Variants in TMSB10 observed in about 807,000 individuals in gnomAD.
TMSB10 encodes thymosin beta-10.
TMSB10 carries 4 observed loss-of-function variants against 4.5 expected under a neutral mutation model. That is an observed-to-expected ratio of 0.89 (90% CI 0.44 to 2.03). The LOEUF is 2.03. Among genes scored for constraint, TMSB10 ranks in the 30% most tolerant of loss-of-function variants. TMSB10 has a pLI of 0.03. For missense variants in TMSB10, 44 were observed against 53.9 expected (o/e 0.82, Z 0.57); for synonymous variants, 17 against 20.3 (o/e 0.84, Z 0.44).
In TMSB10 at chr2:84,906,549, C is replaced by A; in HGVS notation, c.*126C>A. ...GAACCTGGGCACTCCGCGCCGATGCCACCGGCCTGTGGGTCTCTGAAGGGA... is the reference window on the plus strand; with the variant it reads ...GAACCTGGGCACTCCGCGCCGATGCAACCGGCCTGTGGGTCTCTGAAGGGA... On this transcript the variant is annotated 3_prime_UTR_variant, in exon 3 of 3. Transcript: ENST00000233143. 8.8e-7 allele frequency: 1 copy of A among 1,141,594 alleles called. No individual in the cohort carries two copies. The highest frequency in any genetic ancestry group is 1.2e-6 in the Non-Finnish European group (1 of 836,182). The allele number at this position is 1,141,594 out of a possible 1,614,324, so 70.7% of individuals were successfully genotyped here.
rs878999190 is a variant in TMSB10, at chr2:84,906,120, G to A, written c.100+3G>A. The A allele has an allele frequency of 6.2e-7, 1 of 1,613,808 alleles. No homozygotes were observed. The highest frequency in any genetic ancestry group is 1.7e-5 in the Admixed American group (1 of 59,982). On this transcript the variant is annotated splice_donor_region_variant and intron_variant, in intron 2 of 2. Coordinates refer to ENST00000233143, the MANE Select transcript of TMSB10 (RefSeq NM_021103.4). ...GAACACCCTGCCGACCAAAGAGAGT[G>A]AGTGTGCCTCGGTCTCCCGCGCCCC...
chr2:84,906,021 G>A lies in TMSB10; in HGVS notation c.4G>A (p.Ala2Thr), dbSNP rs758647259. The change falls in exon 2 of 3, where the codon GCA (alanine) becomes ACA (threonine). Residue 2 changes from alanine to threonine, a missense_variant. Transcript: ENST00000233143. Reference sequence around the variant, plus strand: ...CCACTAGGATTGTTTTAAGAAAATGGCAGACAAACCAGACATGGGGGAAAT... The same window carrying A: ...CCACTAGGATTGTTTTAAGAAAATGACAGACAAACCAGACATGGGGGAAAT... M[A>T]DKPDMGEIAS... 2 of 1,613,820 alleles carry A rather than the reference G, an allele frequency of 1.2e-6. No homozygotes were observed. Among genetic ancestry groups the A allele is most frequent in the East Asian group, 2.2e-5 (1 of 44,858 alleles).
In TMSB10 at chr2:84,906,065, C is replaced by T; in HGVS notation, c.48C>T (p.Ala16=). Residue 16 remains alanine (A), a synonymous_variant, in exon 2 of 3, where the codon GCC becomes GCT. Transcript: ENST00000233143. ...GGGAAATCGCCAGCTTCGATAAGGC[C>T]AAGCTGAAGAAAACGGAGACGCAGG... ...DMGEIASFDK[A]KLKKTETQEK... is the part of the protein sequence containing the mutation. The T allele has an allele frequency of 6.2e-7, 1 of 1,614,046 alleles. No individual in the cohort carries two copies. The highest frequency in any genetic ancestry group is 1.1e-5 in the South Asian group (1 of 91,084).
chr2:84,905,940 G>A, intron 1 of TMSB10, 63 bp from the exon 2 acceptor site: 2 of 1,416,750 alleles, frequency 1.4e-6, no homozygotes, highest in Non-Finnish European at 2.0e-6. Flanking sequence ...AGGCGTCGGC[G>A]GGGAGCGCGG....
At chr2:84,906,348 GT>G in intron 2 of TMSB10, 40 bp from the exon 3 acceptor site, 1 of 1,573,388 alleles carries the variant, frequency 6.4e-7, no homozygotes, top group Middle Eastern at 1.7e-4. Context: ...GCGGGTGGGG[GT>G]TGCAGCTCCC....
At position 84,906,131 on chromosome 2, in the gene TMSB10, G is replaced by A. The variant is rs1683688149; in HGVS notation, c.100+14G>A. On this transcript the variant is annotated intron_variant, in intron 2 of 2. Transcript: ENST00000233143. Reference sequence around the variant, plus strand: ...CGACCAAAGAGAGTGAGTGTGCCTCGGTCTCCCGCGCCCCAGCCCAGCCCC... The same window carrying A: ...CGACCAAAGAGAGTGAGTGTGCCTCAGTCTCCCGCGCCCCAGCCCAGCCCC... 6.2e-7 allele frequency: 1 copy of A among 1,611,344 alleles called. No individual in the cohort carries two copies. Among genetic ancestry groups the A allele is most frequent in the Non-Finnish European group, 8.5e-7 (1 of 1,178,312 alleles).
rs920743665 is a variant in TMSB10 at position 84,906,575 on chromosome 2, C to T, written c.*152C>T. The T allele has an allele frequency of 2.1e-5, 11 of 517,616 alleles. No homozygotes were observed. Among genetic ancestry groups the T allele is most frequent in the South Asian group, 9.5e-5 (2 of 21,032 alleles). The allele number at this position is 517,616 out of a possible 1,614,324, so 32.1% of individuals were successfully genotyped here. On this transcript the variant is annotated 3_prime_UTR_variant, in exon 3 of 3. Transcript: ENST00000233143. ...ACCGGCCTGTGGGTCTCTGAAGGGACCCCCCCCCAATCGGACTGCCAAATT... is the reference window on the plus strand; with the variant it reads ...ACCGGCCTGTGGGTCTCTGAAGGGATCCCCCCCCAATCGGACTGCCAAATT...
chr2:84,906,179 C>G, intron 2 of TMSB10, 62 bp downstream of exon 2: 2 of 1,528,300 alleles, frequency 1.3e-6, no homozygotes, highest in Non-Finnish European at 8.9e-7. Flanking sequence ...TCCTTGCAAA[C>G]CCACTCCTCC....
chr2:84,906,359 C>G (rs1683693814), intron 2 of TMSB10, 30 bp from the exon 3 acceptor site: 1 of 1,584,584 alleles, frequency 6.3e-7, no homozygotes, highest in African/African-American at 1.3e-5. Context: ...TTGCAGCTCC[C>G]CTCCAGCGCC....
At chr2:84,906,175 C>A in intron 2 of TMSB10, 58 bp downstream of exon 2, 2 of 1,544,358 alleles carry the variant, frequency 1.3e-6, no homozygotes. Context: ...CTCTTCCTTG[C>A]AAACCCACTC....
chr2:84,906,221 G>A (rs1683690554), intron 2 of TMSB10, 104 bp downstream of exon 2: 2 of 1,449,242 alleles, frequency 1.4e-6, no homozygotes, highest in Middle Eastern at 1.8e-4. Flanking sequence ...CCCGGTGTGG[G>A]CGGCCCCGGC....
Position 84,906,501 on chromosome 2 carries a change from A to T in TMSB10, c.*78A>T. On this transcript the variant is annotated 3_prime_UTR_variant, in exon 3 of 3. Coordinates refer to ENST00000233143, the MANE Select transcript of TMSB10 (RefSeq NM_021103.4). ...GGAGGAAGAGCCACCTGCAAGATGGACACGAGCCACAAGCTGCACTGTGAA... is the reference window on the plus strand; with the variant it reads ...GGAGGAAGAGCCACCTGCAAGATGGTCACGAGCCACAAGCTGCACTGTGAA... 1 of 1,482,482 alleles carries T rather than the reference A, an allele frequency of 6.7e-7. No homozygotes were observed. Among genetic ancestry groups the T allele is most frequent in the Middle Eastern group, 1.9e-4 (1 of 5,314 alleles). The allele number at this position is 1,482,482 out of a possible 1,614,324, so 91.8% of individuals were successfully genotyped here.
At chr2:84,906,230 G>C (rs915524228) in intron 2 of TMSB10, 113 bp downstream of exon 2, 3 of 1,437,418 alleles carry the variant, frequency 2.1e-6, no homozygotes, top group East Asian at 2.5e-5. Flanking sequence ...GGCGGCCCCG[G>C]CCACTCTTTC....
At chr2:84,906,217 G>A in intron 2 of TMSB10, 100 bp downstream of exon 2, 1 of 1,463,468 alleles carries the variant, frequency 6.8e-7, no homozygotes, top group Non-Finnish European at 9.3e-7. Flanking sequence ...TGTCCCCGGT[G>A]TGGGCGGCCC....
Position 84,906,090 on chromosome 2 carries a change from GAGA to G in TMSB10, c.78_80del (p.Lys26del), listed in dbSNP as rs1683687515. 1.9e-6 allele frequency: 3 copies of G among 1,613,948 alleles called. No homozygotes were observed. Among genetic ancestry groups the G allele is most frequent in the African/African-American group, 1.3e-5 (1 of 74,908 alleles). On this transcript the variant is annotated inframe_deletion, in exon 2 of 3. Transcript: ENST00000233143. ...CAAGCTGAAGAAAACGGAGACGCAGGAGAAGAACACCCTGCCGACCAAAGAGAG... is the reference window on the plus strand; with the variant it reads ...CAAGCTGAAGAAAACGGAGACGCAGGAGAACACCCTGCCGACCAAAGAGAG...
In TMSB10 at chr2:84,906,196, C is replaced by G. The variant is rs12471929; in HGVS notation, c.100+79C>G. On this transcript the variant is annotated intron_variant, in intron 2 of 2. Transcript: ENST00000233143. ...CTTGCAAACCCACTCCTCCACCCCC[C>G]ACCCCGCCGTTGTCCCCGGTGTGGG... 82 of 1,471,246 alleles carry G rather than the reference C, an allele frequency of 5.6e-5. No individual in the cohort carries two copies. The East Asian group carries it at 1.8e-3, about 33-fold the overall frequency. 91.1% of individuals were successfully genotyped at this position (1,471,246 alleles called of 1,614,324 possible). A position where few individuals can be genotyped will look rare whatever the true frequency, so the allele number is the denominator to read the frequency against.
At chr2:84,905,883 C>T in intron 1 of TMSB10, 120 bp from the exon 2 acceptor site, 2 of 747,538 alleles carry the variant, frequency 2.7e-6, no homozygotes, top group South Asian at 1.8e-5. Context: ...CCCAGATCCT[C>T]GGCCTTGGGG....
At position 84,906,254 on chromosome 2, in the gene TMSB10, G is replaced by T. The variant is rs562400187; in HGVS notation, c.101-135G>T. The T allele has an allele frequency of 8.4e-5, 120 of 1,430,458 alleles. No homozygotes were observed. In the Middle Eastern group the frequency reaches 1.3e-3, roughly 15 times the overall value. 88.6% of individuals were successfully genotyped at this position (1,430,458 alleles called of 1,614,324 possible). On this transcript the variant is annotated intron_variant, in intron 2 of 2. Transcript: ENST00000233143. Reference sequence around the variant, plus strand: ...GGCCACTCTTTCAGTTTCACAAAGCGCCTTGTTTCTCCCCAGCCCCAAGCT... The same window carrying T: ...GGCCACTCTTTCAGTTTCACAAAGCTCCTTGTTTCTCCCCAGCCCCAAGCT...
Position 84,906,048 on chromosome 2 carries a change from G to A in TMSB10, c.31G>A (p.Ala11Thr). 2 of 1,614,018 alleles carry A rather than the reference G, an allele frequency of 1.2e-6. No individual in the cohort carries two copies. Among genetic ancestry groups the A allele is most frequent in the Non-Finnish European group, 1.7e-6 (2 of 1,179,946 alleles). Residue 11 changes from alanine to threonine, a missense_variant, in exon 2 of 3, where the codon GCC becomes ACC. By Grantham distance (58) the Ala-to-Thr change is moderately conservative. Transcript: ENST00000233143. Reference sequence around the variant, plus strand: ...AGACAAACCAGACATGGGGGAAATCGCCAGCTTCGATAAGGCCAAGCTGAA... The same window carrying A: ...AGACAAACCAGACATGGGGGAAATCACCAGCTTCGATAAGGCCAAGCTGAA... MADKPDMGEI[A>T]SFDKAKLKKT... is the part of the protein sequence containing the mutation.
Sources: gnomAD v4.1 joint callset for allele counts on GRCh38, gnomAD v4.1.1 for gene constraint, MANE v1.5 for transcripts, NCBI Gene and HGNC (gene_info 2026-07-23, HGNC 2026-07-21) for gene names.